Variants in SHOC2 observed in about 807,000 individuals in gnomAD.
SHOC2 encodes leucine-rich repeat protein SHOC-2.
In SHOC2, 4 loss-of-function variants were observed where a neutral mutation model predicts 50.2. The observed-to-expected ratio is 0.08, with a 90% CI of 0.04 to 0.18. The LOEUF (loss-of-function observed/expected upper bound fraction) is 0.18. SHOC2 is among the 10% of genes least tolerant of loss of function. The pLI is 1.00. For synonymous variants in SHOC2, 218 were observed against 244.5 expected (o/e 0.89, Z 1.01); for missense variants, 388 against 669.6 (o/e 0.58, Z 4.64).
At chr10:111,004,816 A>G (rs925399785) in intron 5 of SHOC2, 22 bp downstream of exon 5, 3 of 1,515,800 alleles carry the variant, frequency 2.0e-6, no homozygotes, top group Non-Finnish European at 2.7e-6. Context: ...TTTGTTTACT[A>G]GGGAAAGGAA....
intron 1 of SHOC2, among the ~76,000 whole-genome samples, chr10:110,936,095 A>ATTTT (rs11422342): frequency 7.7e-6 from 1 of 129,894 alleles, no homozygotes; most frequent in African/African-American, 2.9e-5. Flanking sequence ...TGCTTCACTG[A>ATTTT]TTTTTTTTTT....
chr10:111,004,366 T>G (rs1848431874), intron 4 of SHOC2, among the ~76,000 whole-genome samples: 1 of 152,218 alleles, frequency 6.6e-6, no homozygotes. Flanking sequence ...TGGGAAAATT[T>G]TCTGTTTCCT....
intron 6 of SHOC2, among the ~76,000 whole-genome samples, chr10:111,008,421 A>G (rs988990091): frequency 1.3e-5 from 2 of 151,870 alleles, no homozygotes; most frequent in African/African-American, 2.4e-5. Flanking sequence ...TTTGAAGTCA[A>G]ACAAAGCTGA....
intron 1 of SHOC2, among the ~76,000 whole-genome samples, chr10:110,938,208 T>C (rs1847066878): frequency 6.6e-6 from 1 of 152,200 alleles, no homozygotes; most frequent in East Asian, 1.9e-4. Context: ...TGTTCTCTGA[T>C]TTGAACATAT....
At chr10:110,925,537 G>A (rs1846753606) in intron 1 of SHOC2, among the ~76,000 whole-genome samples, 1 of 152,094 alleles carries the variant, frequency 6.6e-6, no homozygotes, top group Non-Finnish European at 1.5e-5. Context: ...GCTCATTGCA[G>A]CCCTGACCTC....
intron 2 of SHOC2, among the ~76,000 whole-genome samples, chr10:110,976,779 G>A (rs1847886543): frequency 6.6e-6 from 1 of 152,064 alleles, no homozygotes; most frequent in African/African-American, 2.4e-5. Flanking sequence ...AAGCCTCTTG[G>A]ATCTGTGGGT....
At chr10:110,947,358 G>C (rs1403882178) in intron 1 of SHOC2, among the ~76,000 whole-genome samples, 1 of 152,252 alleles carries the variant, frequency 6.6e-6, no homozygotes, top group African/African-American at 2.4e-5. Context: ...GACTATGCCA[G>C]CCATGCTGTC....
intron 1 of SHOC2, among the ~76,000 whole-genome samples, chr10:110,954,306 A>G (rs1327628674): frequency 1.3e-5 from 2 of 152,170 alleles, no homozygotes; most frequent in Non-Finnish European, 2.9e-5. Flanking sequence ...TGAGAGAGGC[A>G]GCTTGGTTAG....
chr10:110,958,579 G>T (rs1033779628), intron 1 of SHOC2, among the ~76,000 whole-genome samples: 2 of 152,072 alleles, frequency 1.3e-5, no homozygotes, highest in Non-Finnish European at 2.9e-5. Flanking sequence ...GCGTTTTGTG[G>T]ATAGTCTCAT....
At chr10:110,970,979 C>G (rs1590808998) in intron 2 of SHOC2, among the ~76,000 whole-genome samples, 1 of 152,008 alleles carries the variant, frequency 6.6e-6, no homozygotes, top group East Asian at 1.9e-4. Context: ...GAGTAGTTTG[C>G]ATATATTTTC....
Position 110,921,574 on chromosome 10 carries a change from T to G in SHOC2, c.-235+1917T>G, listed in dbSNP as rs187395797. ...TAATTGTTATGGGTACATAGTAGGT[T>G]TTTATGGGTTATATGAGATATTGAT... On this transcript the variant is annotated intron_variant, in intron 1 of 8. Transcript: ENST00000369452. Among the ~76,000 whole-genome samples the G allele has an allele frequency of 3.2e-3, 488 of 152,268 alleles. 26 individuals carry two copies. In the South Asian group the frequency reaches 0.093, roughly 29 times the overall value.
intron 1 of SHOC2, among the ~76,000 whole-genome samples, chr10:110,939,530 G>A (rs1056529470): frequency 2.6e-5 from 4 of 152,262 alleles, no homozygotes; most frequent in Middle Eastern, 3.4e-3. Context: ...GGAAAGCTAG[G>A]TGGTATCTCC....
At chr10:110,956,693 A>G (rs917822821) in intron 1 of SHOC2, among the ~76,000 whole-genome samples, 5 of 152,086 alleles carry the variant, frequency 3.3e-5, no homozygotes, top group African/African-American at 9.7e-5. Flanking sequence ...TAAATCTTAC[A>G]TTTATCTTGA....
intron 2 of SHOC2, among the ~76,000 whole-genome samples, chr10:110,983,880 TA>T (rs761902313): frequency 2.0e-5 from 3 of 152,362 alleles, no homozygotes; most frequent in Non-Finnish European, 4.4e-5. Flanking sequence ...CTCCGTTATA[TA>T]AACATACCAC....
chr10:111,001,344 G>A (rs550126740), intron 4 of SHOC2, among the ~76,000 whole-genome samples: 1 of 151,684 alleles, frequency 6.6e-6, no homozygotes, highest in African/African-American at 2.4e-5. Context: ...AGTAGAGATG[G>A]GGGTTTCACC....
chr10:110,939,774 CTAAGGAA>C (rs1847100347), intron 1 of SHOC2, among the ~76,000 whole-genome samples: 1 of 152,130 alleles, frequency 6.6e-6, no homozygotes, highest in Non-Finnish European at 1.5e-5. Flanking sequence ...AATATTACTA[CTAAGGAA>C]TAATCAGTGC....
chr10:110,995,501 A>T (rs11816247), intron 3 of SHOC2, among the ~76,000 whole-genome samples: 10,900 of 152,248 alleles, frequency 0.072, 519 homozygotes, highest in African/African-American at 0.14. Flanking sequence ...TGGTTCTGTG[A>T]CAAGGAAACA....
intron 6 of SHOC2, among the ~76,000 whole-genome samples, chr10:111,008,354 A>G (rs544678961): frequency 6.6e-6 from 1 of 151,538 alleles, no homozygotes; most frequent in East Asian, 1.9e-4. Flanking sequence ...TAAAGGTCTA[A>G]TTTTTAAATT....
intron 2 of SHOC2, among the ~76,000 whole-genome samples, chr10:110,975,316 C>T (rs1443066590): frequency 3.9e-5 from 6 of 152,070 alleles, no homozygotes; most frequent in Non-Finnish European, 8.8e-5. Flanking sequence ...TGACCACGCC[C>T]GGCTAATTTT....
Sources: allele counts gnomAD v4.1 joint callset (sites outside exome capture counted in the v4.1 genomes callset), GRCh38; gene constraint gnomAD v4.1.1; transcripts MANE v1.5; gene names NCBI Gene and HGNC (gene_info 2026-07-23, HGNC 2026-07-21).